Variants in IPO7 observed in about 807,000 individuals in gnomAD.
The protein encoded by IPO7 is importin-7.
Under a neutral mutation model 136.4 loss-of-function variants are expected in IPO7, and 13 were observed. The ratio of observed to expected loss-of-function variants is 0.10; its 90% CI spans 0.06 to 0.15. The LOEUF (loss-of-function observed/expected upper bound fraction) is 0.15. Ranked by LOEUF, IPO7 falls within the 10% of genes least tolerant of loss-of-function variation. IPO7 has a pLI of 1.00. For missense variants in IPO7, 857 were observed against 1,240.6 expected, an observed-to-expected ratio of 0.69 and a Z score of 4.65; for synonymous variants, 403 against 404.4, an observed-to-expected ratio of 1.00 and a Z score of 0.04.
chr11:9,441,440 G>A (rs1855458463), intron 23 of IPO7, among the ~76,000 whole-genome samples: 1 of 152,160 alleles, frequency 6.6e-6, no homozygotes, highest in Non-Finnish European at 1.5e-5. Flanking sequence ...GTTAATTGCT[G>A]TTATATATCA....
chr11:9,429,904 A>G (rs1329657125), intron 15 of IPO7, 70 bp downstream of exon 15: 3 of 1,182,440 alleles, frequency 2.5e-6, no homozygotes, highest in Non-Finnish European at 3.5e-6. Flanking sequence ...AGGTTGTGTC[A>G]CCAGTGGCTT....
intron 1 of IPO7, chr11:9,392,171 C>CTTTTTTTTTTTTT (rs59866244): frequency 7.6e-5 from 14 of 185,124 alleles, no homozygotes; most frequent in South Asian, 3.3e-4. Context: ...TTGTCAAATT[C>CTTTTTTTTTTTTT]TTTTTTTTTT....
intron 21 of IPO7, 33 bp from the exon 22 acceptor site, chr11:9,438,044 AGTT>A: frequency 2.9e-6 from 3 of 1,035,518 alleles, no homozygotes; most frequent in Non-Finnish European, 2.7e-6. Context: ...AAAAGAAAAC[AGTT>A]TTTTTTTTTT....
Position 9,423,063 on chromosome 11 carries a change from T to C in IPO7, c.964T>C (p.Leu322=). 6.2e-7 allele frequency: 1 copy of C among 1,600,560 alleles called. No homozygotes were observed. The highest frequency in any genetic ancestry group is 8.6e-7 in the Non-Finnish European group (1 of 1,169,158). ...KEKQYMAPRV[L]QQTLNYINQG... is the part of the protein sequence containing the mutation. Reference sequence around the variant, plus strand: ...GAAGCAATATATGGCTCCTCGAGTTTTACAACAGACATTAAATTATATTAA... The same window carrying C: ...GAAGCAATATATGGCTCCTCGAGTTCTACAACAGACATTAAATTATATTAA... The change falls in exon 9 of 25, where the codon TTA becomes CTA. Residue 322 remains leucine, a synonymous_variant. Transcript: ENST00000379719.
chr11:9,406,732 G>C (rs528031136), intron 2 of IPO7, among the ~76,000 whole-genome samples: 2 of 152,120 alleles, frequency 1.3e-5, no homozygotes, highest in East Asian at 1.9e-4. Flanking sequence ...AATTAGCCGG[G>C]TGGTAGTGGC....
chr11:9,420,513 C>T lies in IPO7; in HGVS notation c.821+8C>T, dbSNP rs1855111705. 1 of 1,592,448 alleles carries T rather than the reference C, an allele frequency of 6.3e-7. No homozygotes were observed. The highest frequency in any genetic ancestry group is 8.6e-7 in the Non-Finnish European group (1 of 1,160,460). ...AGCAAGACTTTTTGAAAGGTAATCT[C>T]ATCCATATATGGTGATTTAAATTAA... On this transcript the variant is annotated splice_region_variant and intron_variant, in intron 7 of 24. Transcript: ENST00000379719.
intron 12 of IPO7, among the ~76,000 whole-genome samples, chr11:9,427,693 A>G (rs1855232583): frequency 6.6e-6 from 1 of 152,220 alleles, no homozygotes; most frequent in South Asian, 2.1e-4. Context: ...AAGTTTATCT[A>G]TTCTTACCTT....
At chr11:9,436,215 A>T in intron 19 of IPO7, 56 bp from the exon 20 acceptor site, 1 of 1,217,078 alleles carries the variant, frequency 8.2e-7, no homozygotes, top group Non-Finnish European at 1.2e-6. Context: ...TCCTTGATTT[A>T]GATACCTGAT....
At chr11:9,422,422 A>G (rs927710951) in intron 8 of IPO7, among the ~76,000 whole-genome samples, 1 of 151,942 alleles carries the variant, frequency 6.6e-6, no homozygotes, top group Non-Finnish European at 1.5e-5. Context: ...TTTTTTTTAA[A>G]AAAAGACAAT....
At chr11:9,387,791 A>C (rs11042324) in intron 1 of IPO7, among the ~76,000 whole-genome samples, 7,250 of 151,776 alleles carry the variant, frequency 0.048, 238 homozygotes, top group South Asian at 0.078. Context: ...AGATCGTGCC[A>C]CTGCACTCCA....
At position 9,420,518 on chromosome 11, in the gene IPO7, A is replaced by G. The variant is rs146030407; in HGVS notation, c.821+13A>G. 368 of 1,585,354 alleles carry G rather than the reference A, an allele frequency of 2.3e-4. 1 individual carries two copies. In the African/African-American group the frequency reaches 4.3e-3, roughly 19 times the overall value. ...GACTTTTTGAAAGGTAATCTCATCC[A>G]TATATGGTGATTTAAATTAATTTAT... On this transcript the variant is annotated intron_variant, in intron 7 of 24. Coordinates refer to ENST00000379719, the MANE Select transcript of IPO7 (RefSeq NM_006391.3).
Position 9,425,879 on chromosome 11 carries a change from C to CA in IPO7, c.1335+634dup, listed in dbSNP as rs777336158. 9.8e-3 allele frequency among the ~76,000 whole-genome samples: 656 copies of CA among 66,850 alleles called. 4 individuals carry two copies. The highest frequency in any genetic ancestry group is 0.043 in the Middle Eastern group (4 of 94). The allele number at this position is 66,850 out of a possible 152,430, so 43.9% of individuals were successfully genotyped here. On this transcript the variant is annotated intron_variant, in intron 12 of 24. Transcript: ENST00000379719. Reference sequence around the variant, plus strand: ...GGGCGACAGAGTGAGACTCTGTCTCCAAAAAAAAAAAAAAAAATCAGCTGG... The same window carrying CA: ...GGGCGACAGAGTGAGACTCTGTCTCCAAAAAAAAAAAAAAAAAATCAGCTGG...
At chr11:9,436,477 G>A in intron 20 of IPO7, 111 bp downstream of exon 20, 1 of 609,116 alleles carries the variant, frequency 1.6e-6, no homozygotes, top group Non-Finnish European at 2.9e-6. Flanking sequence ...TGTTTATTGA[G>A]ACATCTAGAC....
At chr11:9,401,909 A>G (rs1385969499) in intron 1 of IPO7, among the ~76,000 whole-genome samples, 1 of 152,128 alleles carries the variant, frequency 6.6e-6, no homozygotes, top group African/African-American at 2.4e-5. Context: ...CTTGGACACT[A>G]CCCCCAAACT....
intron 6 of IPO7, among the ~76,000 whole-genome samples, chr11:9,419,400 T>G (rs1855091424): frequency 6.6e-6 from 1 of 150,388 alleles, no homozygotes; most frequent in African/African-American, 2.5e-5. Context: ...ATACAAACAT[T>G]AGCTGGGCGT....
In IPO7 at chr11:9,433,756, T is replaced by C. The variant is rs764582373; in HGVS notation, c.1984T>C (p.Leu662=). Residue 662 remains leucine (L), a synonymous_variant, in exon 18 of 25, where the codon TTG becomes CTG. Coordinates refer to ENST00000379719, the MANE Select transcript of IPO7 (RefSeq NM_006391.3). The stretch of plus-strand genomic sequence containing the variant: ...GGAGATCTTCTCTTTAGCGCACAGT[T>C]TGACATGTCAACAAGTGTCTCCACA... The part of the protein sequence containing the change: ...YEEIFSLAHS[L]TCQQVSPQMW... The C allele has an allele frequency of 6.2e-7, 1 of 1,612,198 alleles. No homozygotes were observed. The highest frequency in any genetic ancestry group is 2.2e-5 in the East Asian group (1 of 44,882).
At chr11:9,413,921 G>T (rs1855003404) in intron 4 of IPO7, among the ~76,000 whole-genome samples, 1 of 148,124 alleles carries the variant, frequency 6.8e-6, no homozygotes, top group African/African-American at 2.5e-5. Flanking sequence ...GCAGACCTTG[G>T]ATTCCAGTTG....
chr11:9,448,054 A>C lies in IPO7; in HGVS notation c.*2860A>C, dbSNP rs534722375. On this transcript the variant is annotated 3_prime_UTR_variant, in exon 25 of 25. Coordinates refer to ENST00000379719, the MANE Select transcript of IPO7 (RefSeq NM_006391.3). ...TATGACTAAACCATGTCTTTGGCAA[A>C]GATCTAACACAATGTCTTAAGTATA... The C allele has an allele frequency of 6.6e-6, 1 of 152,370 alleles. No individual in the cohort carries two copies. Among genetic ancestry groups the C allele is most frequent in the South Asian group, 2.1e-4 (1 of 4,832 alleles). The allele number at this position is 152,370 out of a possible 1,614,324, so 9.4% of individuals were successfully genotyped here.
intron 1 of IPO7, 28 bp downstream of exon 1, chr11:9,384,875 C>CGGGCAGGCGGGT (rs1854528701): frequency 6.4e-7 from 1 of 1,552,354 alleles, no homozygotes; most frequent in Non-Finnish European, 8.7e-7. Flanking sequence ...GCGGTGGCGG[C>CGGGCAGGCGGGT]GGGCAGGCGG....
Sources: allele counts gnomAD v4.1 joint callset (sites outside exome capture counted in the v4.1 genomes callset), GRCh38; gene constraint gnomAD v4.1.1; transcripts MANE v1.5; gene names NCBI Gene and HGNC (gene_info 2026-07-23, HGNC 2026-07-21).